PRPF3: variants seen among roughly 807,000 people sequenced by gnomAD.
PRPF3 encodes the protein U4/U6 small nuclear ribonucleoprotein Prp3.
PRPF3 carries 3 observed loss-of-function variants against 89.2 expected under a neutral mutation model. That is an observed-to-expected ratio of 0.03 (90% CI 0.02 to 0.09). PRPF3 has a LOEUF of 0.09. Ranked by LOEUF, PRPF3 falls within the 10% of genes least tolerant of loss-of-function variation. The pLI is 1.00. For missense variants in PRPF3, 463 were observed against 828.8 expected (o/e 0.56, Z 5.42); for synonymous variants, 270 against 289.1 (o/e 0.93, Z 0.67).
In PRPF3 at chr1:150,352,273, C is replaced by G. The variant is rs587736345; in HGVS notation, c.1906-560C>G. 2.7e-4 allele frequency among the ~76,000 whole-genome samples: 41 copies of G among 152,312 alleles called. No homozygotes were observed. The South Asian group carries it at 3.7e-3, about 14-fold the overall frequency. ...CTCATTCCACCTTCCATAGTTCTTC[C>G]TGACTTGCTGTTCCACCCAGGCACC... On this transcript the variant is annotated intron_variant, in intron 15 of 15. Transcript: ENST00000324862.
rs1447015753 is a variant in PRPF3, at chr1:150,336,019, T to C, written c.1035+778T>C. Among the ~76,000 whole-genome samples the C allele has an allele frequency of 3.9e-5, 6 of 152,254 alleles. No homozygotes were observed. In the East Asian group the frequency reaches 9.6e-4, roughly 24 times the overall value. Reference sequence around the variant, plus strand: ...TCCTGACCTTGTGATCTGCCTGCCTTGACCTCCCAAAGTGCTGGGATTATA... The same window carrying C: ...TCCTGACCTTGTGATCTGCCTGCCTCGACCTCCCAAAGTGCTGGGATTATA... On this transcript the variant is annotated intron_variant, in intron 7 of 15. Transcript: ENST00000324862.
chr1:150,333,116 C>T lies in PRPF3; in HGVS notation c.645C>T (p.Ala215=). 6.2e-7 allele frequency: 1 copy of T among 1,614,228 alleles called. No homozygotes were observed. Residue 215 remains alanine, a synonymous_variant, in exon 6 of 16, where the codon GCC becomes GCT. Coordinates refer to ENST00000324862, the MANE Select transcript of PRPF3 (RefSeq NM_004698.4). ...CTGAACTGCAAGCTCGAATCCAAGC[C>T]CAGCTGGCACTGAAGCCAGGACTCA... ...KAAELQARIQ[A]QLALKPGLIG...
chr1:150,324,492 A>G (rs2101941881), intron 1 of PRPF3, among the ~76,000 whole-genome samples: 1 of 151,664 alleles, frequency 6.6e-6, no homozygotes, highest in Middle Eastern at 3.5e-3. Context: ...TTGTCTAGGG[A>G]TTGAGAATAG....
chr1:150,338,369 C>T (rs1657276172), intron 8 of PRPF3, 43 bp downstream of exon 8: 2 of 1,579,444 alleles, frequency 1.3e-6, no homozygotes, highest in Non-Finnish European at 1.7e-6. Context: ...AGTTTTTAAT[C>T]AGCTGAGTTT....
chr1:150,351,575 G>C (rs140966763), intron 15 of PRPF3, among the ~76,000 whole-genome samples: 1 of 150,076 alleles, frequency 6.7e-6, no homozygotes, highest in Non-Finnish European at 1.5e-5. Flanking sequence ...GTCATAGCTC[G>C]CTACAGCCTT....
chr1:150,326,720 T>TG (rs1232454079), intron 3 of PRPF3, among the ~76,000 whole-genome samples: 1 of 152,024 alleles, frequency 6.6e-6, no homozygotes, highest in Non-Finnish European at 1.5e-5. Flanking sequence ...CCTTTGTGTT[T>TG]GGAGCATTGT....
intron 4 of PRPF3, 85 bp from the exon 5 acceptor site, chr1:150,332,599 T>G (rs1332736480): frequency 2.8e-5 from 37 of 1,300,014 alleles, no homozygotes; most frequent in Admixed American, 6.8e-5. Flanking sequence ...TGTCTAGACC[T>G]GAGAGCCTTG....
intron 9 of PRPF3, among the ~76,000 whole-genome samples, chr1:150,341,400 A>ATTTTTTTTTTTTT (rs1169772517): frequency 9.8e-6 from 1 of 101,906 alleles, no homozygotes; most frequent in Non-Finnish European, 1.9e-5. Context: ...AGTTGCTTCT[A>ATTTTTTTTTTTTT]TTTTTTTTTT....
At chr1:150,339,304 G>T (rs1172927289) in intron 8 of PRPF3, among the ~76,000 whole-genome samples, 2 of 151,736 alleles carry the variant, frequency 1.3e-5, no homozygotes, top group Non-Finnish European at 2.9e-5. Flanking sequence ...GAGCCCAGGA[G>T]GGTCTGTGCT....
At chr1:150,336,743 G>A (rs1657044471) in intron 7 of PRPF3, among the ~76,000 whole-genome samples, 1 of 151,636 alleles carries the variant, frequency 6.6e-6, no homozygotes, top group African/African-American at 2.4e-5. Context: ...GCAAAAGAGC[G>A]AAACTCCGTC....
chr1:150,345,096 A>G (rs1381228494), intron 12 of PRPF3, among the ~76,000 whole-genome samples: 5 of 151,928 alleles, frequency 3.3e-5, no homozygotes, highest in Admixed American at 3.3e-4. Flanking sequence ...TGTATCTTCT[A>G]TTTTTAAAAT....
intron 7 of PRPF3, among the ~76,000 whole-genome samples, chr1:150,337,733 C>T (rs1211583801): frequency 2.1e-5 from 3 of 145,764 alleles, no homozygotes; most frequent in Non-Finnish European, 4.5e-5. Flanking sequence ...CACTGCACTG[C>T]AGCCTGGGTG....
chr1:150,325,118 C>A, intron 2 of PRPF3, 31 bp downstream of exon 2: 1 of 1,609,598 alleles, frequency 6.2e-7, no homozygotes, highest in Non-Finnish European at 8.5e-7. Context: ...TTTATCTTAA[C>A]ATATAGGGTG....
At chr1:150,346,345 A>G in intron 13 of PRPF3, 63 bp from the exon 14 acceptor site, 1 of 1,503,886 alleles carries the variant, frequency 6.6e-7, no homozygotes, top group East Asian at 2.3e-5. Flanking sequence ...GTCTGAGCTC[A>G]GAGGTTCTTT....
intron 2 of PRPF3, 108 bp downstream of exon 2, chr1:150,325,195 C>A: frequency 7.4e-7 from 1 of 1,347,044 alleles, no homozygotes; most frequent in Non-Finnish European, 1.0e-6. Context: ...AAATGGCAGG[C>A]CATATTTTAT....
chr1:150,334,379 G>A (rs1553866614), intron 6 of PRPF3, among the ~76,000 whole-genome samples: 1 of 152,074 alleles, frequency 6.6e-6, no homozygotes, highest in African/African-American at 2.4e-5. Context: ...TGTTGTTGTT[G>A]TTGTTGAGAG....
Position 150,328,463 on chromosome 1 carries a change from C to T in PRPF3, c.420C>T (p.Leu140=), listed in dbSNP as rs781981149. ...PSESPGMLTK[L]QIKQMMEAAT... ...AGAGCCCTGGCATGCTGACTAAGCTCCAGGTTAGTGATTAGGGACTGGAAG... is the reference window on the plus strand; with the variant it reads ...AGAGCCCTGGCATGCTGACTAAGCTTCAGGTTAGTGATTAGGGACTGGAAG... Residue 140 remains leucine (L), a synonymous_variant, in exon 4 of 16, where the codon CTC becomes CTT. Coordinates refer to ENST00000324862, the MANE Select transcript of PRPF3 (RefSeq NM_004698.4). 17 of 1,611,708 alleles carry T rather than the reference C, an allele frequency of 1.1e-5. No homozygotes were observed. The highest frequency in any genetic ancestry group is 1.7e-5 in the Admixed American group (1 of 59,822).
At chr1:150,350,020 C>CA (rs1178343012) in intron 15 of PRPF3, among the ~76,000 whole-genome samples, 1 of 151,862 alleles carries the variant, frequency 6.6e-6, no homozygotes, top group African/African-American at 2.4e-5. Context: ...CTCAGCCTCC[C>CA]AAGTAGCTGG....
intron 14 of PRPF3, among the ~76,000 whole-genome samples, chr1:150,348,459 C>CTTTTTTTTTTTTT (rs1553873583): frequency 7.8e-4 from 27 of 34,818 alleles, no homozygotes; most frequent in East Asian, 3.3e-3. Context: ...TCTACACGTG[C>CTTTTTTTTTTTTT]ATTTTTTTTT....
Sources: allele counts gnomAD v4.1 joint callset (sites outside exome capture counted in the v4.1 genomes callset), GRCh38; gene constraint gnomAD v4.1.1; transcripts MANE v1.5; gene names NCBI Gene and HGNC (gene_info 2026-07-23, HGNC 2026-07-21).